SORCS2: variants seen among roughly 807,000 people sequenced by gnomAD.
SORCS2 encodes the protein VPS10 domain-containing receptor SorCS2.
SORCS2 carries 100 observed loss-of-function variants against 141.6 expected under a neutral mutation model. The observed-to-expected ratio is 0.71, with a 90% confidence interval of 0.60 to 0.83. The LOEUF (loss-of-function observed/expected upper bound fraction) is 0.83, where lower values mean the gene tolerates loss of function less well. SORCS2 is among the 40% of genes least tolerant of loss of function. The probability of loss-of-function intolerance (pLI) is 0.00; values close to 1 mark genes in which losing one functional copy is unlikely to be tolerated. For synonymous variants in SORCS2, 789 were observed against 676.9 expected (o/e 1.17, Z -2.57); for missense variants, 1,646 against 1,560.2 (o/e 1.05, Z -0.93).
chr4:7,499,799 G>A (rs1042333700), intron 2 of SORCS2, among the ~76,000 whole-genome samples: 4 of 152,144 alleles, frequency 2.6e-5, no homozygotes, highest in African/African-American at 4.8e-5. Flanking sequence ...GGCAAGGTTC[G>A]TGCTGTGGTG....
At chr4:7,521,936 G>A (rs1359946592) in intron 2 of SORCS2, among the ~76,000 whole-genome samples, 1 of 152,224 alleles carries the variant, frequency 6.6e-6, no homozygotes, top group African/African-American at 2.4e-5. Context: ...CGTAAGCAGG[G>A]GACAAGCTGG....
chr4:7,202,264 GGCCTATGGT>G (rs2108863382), intron 1 of SORCS2, among the ~76,000 whole-genome samples: 1 of 152,228 alleles, frequency 6.6e-6, no homozygotes, highest in South Asian at 2.1e-4. Context: ...CTTCCCAGAA[GGCCTATGGT>G]GCTTGTCACC....
At chr4:7,299,135 C>T (rs978600557) in intron 1 of SORCS2, among the ~76,000 whole-genome samples, 10 of 152,310 alleles carry the variant, frequency 6.6e-5, no homozygotes, top group Admixed American at 3.9e-4. Context: ...GAGGAATTAG[C>T]GTGAGGTGGG....
chr4:7,408,805 C>CT (rs952190356), intron 2 of SORCS2, among the ~76,000 whole-genome samples: 3 of 151,644 alleles, frequency 2.0e-5, no homozygotes, highest in African/African-American at 2.4e-5. Flanking sequence ...ATTCTTTTTT[C>CT]TTTTTTCTCC....
At chr4:7,374,771 G>A (rs935680256) in intron 1 of SORCS2, among the ~76,000 whole-genome samples, 11 of 152,136 alleles carry the variant, frequency 7.2e-5, no homozygotes, top group Non-Finnish European at 1.3e-4. Flanking sequence ...GTCCCACAGC[G>A]TCACCTGGCC....
At chr4:7,656,012 G>A (rs1028353997) in intron 5 of SORCS2, among the ~76,000 whole-genome samples, 6 of 152,318 alleles carry the variant, frequency 3.9e-5, no homozygotes, top group East Asian at 3.9e-4. Context: ...TGACCACCAC[G>A]GCCCCGGCCC....
chr4:7,641,072 A>G (rs915577955), intron 4 of SORCS2, among the ~76,000 whole-genome samples: 10 of 152,186 alleles, frequency 6.6e-5, no homozygotes, highest in African/African-American at 2.4e-4. Flanking sequence ...CCAAATCAGC[A>G]GCCTTCCCTG....
chr4:7,239,040 C>T (rs1712495915), intron 1 of SORCS2, among the ~76,000 whole-genome samples: 1 of 152,240 alleles, frequency 6.6e-6, no homozygotes, highest in African/African-American at 2.4e-5. Flanking sequence ...GAGCTGGGCA[C>T]AGCACTGGAC....
At chr4:7,661,376 AC>A in intron 5 of SORCS2, 123 bp from the exon 6 acceptor site, 1 of 963,878 alleles carries the variant, frequency 1.0e-6, no homozygotes, top group East Asian at 2.6e-5. Context: ...TGCCCTCCGG[AC>A]CCACAGAGCA....
intron 3 of SORCS2, among the ~76,000 whole-genome samples, chr4:7,602,572 A>G (rs1458453205): frequency 7.1e-6 from 1 of 141,514 alleles, no homozygotes; most frequent in Non-Finnish European, 1.5e-5. Flanking sequence ...GCGGCCGGGA[A>G]GAGGCGCTCC....
chr4:7,321,723 C>T (rs9994752), intron 1 of SORCS2, among the ~76,000 whole-genome samples: 77,059 of 151,934 alleles, frequency 0.51, 20,482 homozygotes, highest in East Asian at 0.8. Flanking sequence ...TTTTGGATGG[C>T]GTGGTTGAGC....
At chr4:7,690,527 A>T (rs1432562039) in intron 11 of SORCS2, among the ~76,000 whole-genome samples, 1 of 151,078 alleles carries the variant, frequency 6.6e-6, no homozygotes, top group African/African-American at 2.4e-5. Flanking sequence ...GGATAGATGA[A>T]TGGATGGATG....
At chr4:7,507,263 C>T (rs906024549) in intron 2 of SORCS2, among the ~76,000 whole-genome samples, 3 of 152,138 alleles carry the variant, frequency 2.0e-5, no homozygotes, top group African/African-American at 4.8e-5. Flanking sequence ...CAACCTCTGC[C>T]TCCTGGATTC....
chr4:7,638,231 G>T, intron 3 of SORCS2, 97 bp from the exon 4 acceptor site: 2 of 1,387,926 alleles, frequency 1.4e-6, no homozygotes, highest in Non-Finnish European at 1.9e-6. Flanking sequence ...CTGGTGTGAG[G>T]GAGAGAGGCG....
chr4:7,341,650 C>T (rs1004471704), intron 1 of SORCS2, among the ~76,000 whole-genome samples: 1 of 152,200 alleles, frequency 6.6e-6, no homozygotes, highest in Non-Finnish European at 1.5e-5. Flanking sequence ...GGCCAGGGAC[C>T]ACATGTGCAT....
chr4:7,740,012 A>G (rs1430741013), intron 26 of SORCS2, among the ~76,000 whole-genome samples, 188 bp from the exon 27 acceptor site: 1 of 151,884 alleles, frequency 6.6e-6, no homozygotes, highest in Non-Finnish European at 1.5e-5. Context: ...GCACCGGGAG[A>G]GCCCACTCCT....
At chr4:7,496,133 G>A (rs1038900169) in intron 2 of SORCS2, among the ~76,000 whole-genome samples, 1 of 152,158 alleles carries the variant, frequency 6.6e-6, no homozygotes, top group Non-Finnish European at 1.5e-5. Context: ...CTTCCAGAAG[G>A]TTCTTCTCAT....
chr4:7,738,310 G>C, intron 26 of SORCS2, among the ~76,000 whole-genome samples: 1 of 152,230 alleles, frequency 6.6e-6, no homozygotes, highest in African/African-American at 2.4e-5. Flanking sequence ...CAGGCGGTGT[G>C]GGCACTTTCC....
intron 3 of SORCS2, among the ~76,000 whole-genome samples, chr4:7,602,940 C>G (rs905913121): frequency 6.6e-6 from 1 of 152,248 alleles, no homozygotes; most frequent in African/African-American, 2.4e-5. Context: ...GCAGATCACT[C>G]GCGGTCAGGA....
Sources: allele counts gnomAD v4.1 joint callset (sites outside exome capture counted in the v4.1 genomes callset), GRCh38; gene constraint gnomAD v4.1.1; transcripts MANE v1.5; gene names NCBI Gene and HGNC (gene_info 2026-07-23, HGNC 2026-07-21).